GRIP2: variants seen among roughly 807,000 people sequenced by gnomAD.
GRIP2 encodes glutamate receptor interacting protein 2.
Under a neutral mutation model 108.3 loss-of-function variants are expected in GRIP2, and 58 were observed. The ratio of observed to expected loss-of-function variants is 0.54; its 90% CI spans 0.43 to 0.67. The LOEUF is 0.67. Ranked by LOEUF, GRIP2 falls within the 30% of genes least tolerant of loss-of-function variation. The pLI is 0.00. For synonymous variants in GRIP2, 586 were observed against 598.2 expected, an observed-to-expected ratio of 0.98 and a Z score of 0.30; for missense variants, 1,278 against 1,430.6, an observed-to-expected ratio of 0.89 and a Z score of 1.72.
chr3:14,514,611 C>A, intron 11 of GRIP2, 133 bp from the exon 12 acceptor site: 1 of 831,550 alleles, frequency 1.2e-6, no homozygotes, highest in Non-Finnish European at 1.8e-6. Context: ...CAGTCTGGGA[C>A]CAGACAGATC....
At position 14,509,822 on chromosome 3, in the gene GRIP2, C is replaced by A; in HGVS notation, c.2076G>T (p.Glu692Asp). The A allele has an allele frequency of 6.7e-7, 1 of 1,495,462 alleles. No homozygotes were observed. Among genetic ancestry groups the A allele is most frequent in the South Asian group, 1.3e-5 (1 of 74,782 alleles). 92.6% of individuals were successfully genotyped at this position (1,495,462 alleles called of 1,614,324 possible). A position where few individuals can be genotyped will look rare whatever the true frequency, so the allele number is the denominator to read the frequency against. Residue 692 changes from glutamate (E) to aspartate (D), a missense_variant and splice_region_variant, in exon 17 of 24, where the codon GAG becomes GAT. Glu to Asp is a conservative substitution (Grantham distance 45). Coordinates refer to ENST00000621039, the MANE Select transcript of GRIP2 (RefSeq NM_001080423.4). ...GTCCCCACAGAGCCCCAGTTCACCT[C>A]TCAGCCAGGCCACGCTTGGTGAGGC... ...ISGLTKRGLA[E>D]RTGAIHVGDR...
At position 14,520,513 on chromosome 3, in the gene GRIP2, G is replaced by T; in HGVS notation, c.737C>A (p.Pro246His). The change falls in exon 8 of 24, where the codon CCC (proline) becomes CAC (histidine). Residue 246 changes from proline (P) to histidine (H), a missense_variant. Transcript: ENST00000621039. ...CGTCTTGACTATTTCCACCATCAAG[G>T]GTCCCGAAGCATTAGCCACCGTGTC... ...TPDTVANASG[P>H]LMVEIVKTPG... 6.2e-7 allele frequency: 1 copy of T among 1,613,934 alleles called. No homozygotes were observed. The highest frequency in any genetic ancestry group is 8.5e-7 in the Non-Finnish European group (1 of 1,179,868).
rs147485296 is a variant in GRIP2, at chr3:14,538,817, C to CA, written c.40+1451dup. On this transcript the variant is annotated intron_variant, in intron 1 of 23. Coordinates refer to ENST00000621039, the MANE Select transcript of GRIP2 (RefSeq NM_001080423.4). ...CCCATGGCAGCAAAGGGGTGGAGGC[C>CA]AGGCCAGGGAGGAGACTGGGCAAAG... 4.6e-5 allele frequency among the ~76,000 whole-genome samples: 7 copies of CA among 152,324 alleles called. No homozygotes were observed. In the East Asian group the frequency reaches 1.2e-3, roughly 25 times the overall value.
In GRIP2 at chr3:14,517,182, G is replaced by A; in HGVS notation, c.1188C>T (p.Thr396=). 2 of 1,602,864 alleles carry A rather than the reference G, an allele frequency of 1.2e-6. No individual in the cohort carries two copies. The highest frequency in any genetic ancestry group is 8.5e-7 in the Non-Finnish European group (1 of 1,175,242). ...TGTTGCAGGAAAAGGCGTGGTTCAA[G>A]GTCGGCGAGGAAAAGGGAGTTGAAG... is the stretch of plus-strand genomic sequence containing the variant. ...SLSSTPFSSP[T]LNHAFSCNNP... is the part of the protein sequence containing the mutation. The change falls in exon 11 of 24, where the codon ACC becomes ACT. Residue 396 remains threonine, a synonymous_variant. Transcript: ENST00000621039.
At chr3:14,541,004 C>G (rs990852642), upstream of GRIP2, among the ~76,000 whole-genome samples, 1 of 152,236 alleles carries the variant, frequency 6.6e-6, no homozygotes, top group African/African-American at 2.4e-5. Context: ...AGGATCTGCC[C>G]GCCTCTGGGC....
chr3:14,550,362 T>C (rs1365579790), intron 1 of GRIP2, among the ~76,000 whole-genome samples: 3 of 152,206 alleles, frequency 2.0e-5, no homozygotes, highest in Non-Finnish European at 4.4e-5. Context: ...TGGGGCCTCA[T>C]CTAGGGCTCC....
chr3:14,503,657 G>A lies in GRIP2; in HGVS notation c.2588C>T (p.Pro863Leu). Residue 863 changes from proline to leucine, a missense_variant, in exon 21 of 24, where the codon CCT becomes CTT. Pro to Leu is a moderately conservative substitution (Grantham distance 98). Transcript: ENST00000621039. ...GCGCCAGAAGCCCTCCTCTCGGGCAGGGCCAGGGGCTGGGCTGTAACGTAG... is the reference window on the plus strand; with the variant it reads ...GCGCCAGAAGCCCTCCTCTCGGGCAAGGCCAGGGGCTGGGCTGTAACGTAG... ...WEPPTSPAPG[P>L]AREEGFWRMF... The A allele has an allele frequency of 1.2e-6, 2 of 1,608,570 alleles. No homozygotes were observed. The highest frequency in any genetic ancestry group is 4.5e-5 in the East Asian group (2 of 44,706).
rs945081073 is a variant in GRIP2, at chr3:14,521,316, C to T, written c.712+326G>A. On this transcript the variant is annotated intron_variant, in intron 7 of 23. Transcript: ENST00000621039. This position sits in a 1 kb window ranked among gnomAD's most constrained non-coding sequence, Gnocchi z 5.1. ...GAGAGCATCCCCCAGCCTGTCCCAT[C>T]TCTCTCCCCTGCCTCTTTTCTTTTT... 1 of 247,906 alleles carries T rather than the reference C, an allele frequency of 4.0e-6. No individual in the cohort carries two copies. The highest frequency in any genetic ancestry group is 7.6e-6 in the Non-Finnish European group (1 of 130,956). 15.4% of individuals were successfully genotyped at this position (247,906 alleles called of 1,614,324 possible).
chr3:14,591,696 GC>G, the GRIP2 span, among the ~76,000 whole-genome samples: 1 of 152,174 alleles, frequency 6.6e-6, no homozygotes. Flanking sequence ...CGTGCCTCTT[GC>G]CTTCTTTTCC....
At chr3:14,532,830 G>A in intron 1 of GRIP2, among the ~76,000 whole-genome samples, 1 of 152,012 alleles carries the variant, frequency 6.6e-6, no homozygotes, top group Non-Finnish European at 1.5e-5. Flanking sequence ...CTCCGGGCCG[G>A]ATACTGCTGA....
chr3:14,591,566 T>C, the GRIP2 span, among the ~76,000 whole-genome samples: 2 of 152,168 alleles, frequency 1.3e-5, no homozygotes, highest in Non-Finnish European at 2.9e-5. Context: ...GGCTTAATAA[T>C]GGTTTATGCA....
Position 14,493,438 on chromosome 3 carries a change from C to G in GRIP2, c.*227G>C, listed in dbSNP as rs1701380442. 1.8e-6 allele frequency: 1 copy of G among 546,110 alleles called. No individual in the cohort carries two copies. Among genetic ancestry groups the G allele is most frequent in the Non-Finnish European group, 3.2e-6 (1 of 315,460 alleles). 33.8% of individuals were successfully genotyped at this position (546,110 alleles called of 1,614,324 possible). On this transcript the variant is annotated 3_prime_UTR_variant, in exon 24 of 24. Transcript: ENST00000621039. ...GGCTCCTCTGGGCATCTTGGAGACC[C>G]AACTTGGCGAGAGACCCCAGCTGTC...
At chr3:14,525,330 T>G in intron 3 of GRIP2, 107 bp downstream of exon 3, 2 of 1,365,890 alleles carry the variant, frequency 1.5e-6, no homozygotes, top group South Asian at 2.7e-5. Flanking sequence ...TGGAAACAGC[T>G]GCCTGATTGC....
chr3:14,521,804 G>GT lies in GRIP2; in HGVS notation c.567-18dup. The GT allele has an allele frequency of 6.4e-7, 1 of 1,572,414 alleles. No homozygotes were observed. The highest frequency in any genetic ancestry group is 1.2e-5 in the South Asian group (1 of 84,660). The stretch of plus-strand genomic sequence containing the variant: ...GAGCCCTCCCTGTAGGGAAGGGCCA[G>GT]TCACCAGCCTGGCCCGGCAGCAGCA... On this transcript the variant is annotated splice_polypyrimidine_tract_variant and intron_variant, in intron 6 of 23. Coordinates refer to ENST00000621039, the MANE Select transcript of GRIP2 (RefSeq NM_001080423.4). This position sits in a 1 kb window ranked among gnomAD's most constrained non-coding sequence, Gnocchi z 5.1.
At chr3:14,600,743 C>T in the GRIP2 span, among the ~76,000 whole-genome samples, 9 of 152,168 alleles carry the variant, frequency 5.9e-5, no homozygotes, top group Non-Finnish European at 1.2e-4. Flanking sequence ...CAGAGAAAGC[C>T]GGAGATTTTG....
intron 16 of GRIP2, among the ~76,000 whole-genome samples, chr3:14,510,209 T>C (rs975446548): frequency 8.6e-5 from 13 of 151,804 alleles, no homozygotes; most frequent in Admixed American, 2.0e-4. Flanking sequence ...CAGTGGCCTC[T>C]TTTCCTCCAG....
intron 1 of GRIP2, among the ~76,000 whole-genome samples, chr3:14,534,963 CCGGCTTTGA>C (rs1694799894): frequency 6.6e-6 from 1 of 152,082 alleles, no homozygotes; most frequent in African/African-American, 2.4e-5. Context: ...ATAAAGTCAG[CCGGCTTTGA>C]CTGCTGCCCT....
chr3:14,507,103 A>G lies in GRIP2; in HGVS notation c.2219-123T>C, dbSNP rs1664268103. On this transcript the variant is annotated intron_variant, in intron 18 of 23. Transcript: ENST00000621039. This position sits in a 1 kb window ranked among gnomAD's most constrained non-coding sequence, Gnocchi z 4.6. The stretch of plus-strand genomic sequence containing the variant: ...AGCCCTTCTGAGCTGACATATGACC[A>G]TGGCACACTAATAAGCAAACCTGTT... 7.6e-6 allele frequency: 7 copies of G among 915,542 alleles called. No individual in the cohort carries two copies. Among genetic ancestry groups the G allele is most frequent in the Middle Eastern group, 2.6e-4 (1 of 3,848 alleles). 56.7% of individuals were successfully genotyped at this position (915,542 alleles called of 1,614,324 possible).
chr3:14,543,110 T>C (rs961128807), upstream of GRIP2, among the ~76,000 whole-genome samples: 1 of 152,156 alleles, frequency 6.6e-6, no homozygotes, highest in African/African-American at 2.4e-5. Context: ...TGTGAGTCCA[T>C]GGCCGAAATC....
Sources: allele counts gnomAD v4.1 joint callset (sites outside exome capture counted in the v4.1 genomes callset), GRCh38; gene constraint gnomAD v4.1.1; non-coding constraint Gnocchi (gnomAD v3.1); transcripts MANE v1.5; gene names NCBI Gene and HGNC (gene_info 2026-07-23, HGNC 2026-07-21).